Variants in CORIN observed in about 807,000 individuals in gnomAD.
CORIN encodes the protein corin, serine peptidase, also known as atrial natriuretic peptide-converting enzyme.
In CORIN, 117 loss-of-function variants were observed where a neutral mutation model predicts 125.3. The ratio of observed to expected loss-of-function variants is 0.93; its 90% CI spans 0.80 to 1.09. The LOEUF (loss-of-function observed/expected upper bound fraction) is 1.09. Ranked by LOEUF, CORIN falls within the 50% of genes least tolerant of loss-of-function variation. The pLI is 0.00. For missense variants in CORIN, 1,253 were observed against 1,306.7 expected (o/e 0.96, Z 0.63); for synonymous variants, 450 against 466.4 (o/e 0.96, Z 0.45).
chr4:47,757,528 G>C (rs1729205961), intron 4 of CORIN, among the ~76,000 whole-genome samples: 1 of 151,376 alleles, frequency 6.6e-6, no homozygotes, highest in Admixed American at 6.6e-5. Context: ...CTAAGAGGCA[G>C]AGGTTGCAGT....
intron 4 of CORIN, among the ~76,000 whole-genome samples, chr4:47,755,177 C>T (rs891006921): frequency 1.3e-5 from 2 of 152,146 alleles, no homozygotes; most frequent in African/African-American, 4.8e-5. Context: ...CCTGAGACAA[C>T]AATTCTATAT....
At chr4:47,746,244 T>A (rs187601297) in intron 4 of CORIN, among the ~76,000 whole-genome samples, 1 of 152,300 alleles carries the variant, frequency 6.6e-6, no homozygotes, top group African/African-American at 2.4e-5. Context: ...GTGGAGAACA[T>A]AAAATTACTA....
chr4:47,702,465 C>T (rs964804291), intron 5 of CORIN, among the ~76,000 whole-genome samples: 1 of 152,094 alleles, frequency 6.6e-6, no homozygotes, highest in Non-Finnish European at 1.5e-5. Context: ...TATGGAAAGA[C>T]TTAGGACAAA....
At chr4:47,755,422 G>A (rs549239168) in intron 4 of CORIN, among the ~76,000 whole-genome samples, 48 of 152,080 alleles carry the variant, frequency 3.2e-4, no homozygotes, top group Non-Finnish European at 1.0e-4. Flanking sequence ...ATTCTCAATC[G>A]CTATTCTCAT....
intron 16 of CORIN, among the ~76,000 whole-genome samples, chr4:47,637,830 G>T (rs1295318233): frequency 6.6e-6 from 1 of 152,220 alleles, no homozygotes; most frequent in Non-Finnish European, 1.5e-5. Flanking sequence ...CCCTACTAGG[G>T]CATTGCCTAG....
chr4:47,795,264 G>T (rs1005475679), intron 2 of CORIN, among the ~76,000 whole-genome samples: 2 of 151,910 alleles, frequency 1.3e-5, no homozygotes, highest in African/African-American at 4.8e-5. Context: ...AATCGCTTTG[G>T]GTATTTGGGA....
intron 4 of CORIN, among the ~76,000 whole-genome samples, chr4:47,758,318 GA>G (rs1265941617): frequency 3.9e-5 from 6 of 151,992 alleles, no homozygotes; most frequent in Admixed American, 3.9e-4. Context: ...TATAAACATT[GA>G]AAAAAATTGA....
At chr4:47,645,628 G>A (rs955178057) in intron 13 of CORIN, among the ~76,000 whole-genome samples, 2 of 151,876 alleles carry the variant, frequency 1.3e-5, no homozygotes, top group Admixed American at 6.6e-5. Flanking sequence ...AGTGACTCAC[G>A]CCTGTAATCC....
At chr4:47,734,238 T>A (rs141196004) in intron 5 of CORIN, among the ~76,000 whole-genome samples, 7 of 152,110 alleles carry the variant, frequency 4.6e-5, no homozygotes, top group Non-Finnish European at 1.0e-4. Flanking sequence ...GAAAGGAGAA[T>A]GGGGTACATA....
At chr4:47,600,447 T>C (rs769120538) in intron 20 of CORIN, 100 bp from the exon 21 acceptor site, 1 of 725,408 alleles carries the variant, frequency 1.4e-6, no homozygotes, top group Non-Finnish European at 2.0e-6. Flanking sequence ...ATAATATAAA[T>C]ATTTTTATAC....
chr4:47,655,849 GAAA>G (rs34392343), intron 12 of CORIN, among the ~76,000 whole-genome samples: 1 of 106,846 alleles, frequency 9.4e-6, no homozygotes, highest in Non-Finnish European at 2.0e-5. Flanking sequence ...TCTTTCAGCA[GAAA>G]AAAAAAAAAA....
chr4:47,732,680 C>T (rs1413040282), intron 5 of CORIN, among the ~76,000 whole-genome samples: 1 of 151,990 alleles, frequency 6.6e-6, no homozygotes, highest in Non-Finnish European at 1.5e-5. Context: ...TCTCCTGCCT[C>T]AGCCTCTTGA....
At chr4:47,616,321 T>A (rs1722066304) in intron 19 of CORIN, among the ~76,000 whole-genome samples, 1 of 152,154 alleles carries the variant, frequency 6.6e-6, no homozygotes, top group Admixed American at 6.5e-5. Context: ...TTCATATTTT[T>A]CAAATATGAA....
intron 2 of CORIN, among the ~76,000 whole-genome samples, chr4:47,805,059 C>T (rs1481705165): frequency 2.0e-5 from 3 of 149,136 alleles, no homozygotes; most frequent in African/African-American, 7.4e-5. Flanking sequence ...TGGCGTGAAC[C>T]CAGGAGGCAG....
chr4:47,607,187 T>C (rs2109518365), intron 19 of CORIN, among the ~76,000 whole-genome samples: 1 of 152,242 alleles, frequency 6.6e-6, no homozygotes, highest in African/African-American at 2.4e-5. Flanking sequence ...GACAGGCAGA[T>C]CACGAGGTCA....
At chr4:47,612,839 C>G (rs1721922556) in intron 19 of CORIN, among the ~76,000 whole-genome samples, 1 of 152,196 alleles carries the variant, frequency 6.6e-6, no homozygotes, top group African/African-American at 2.4e-5. Flanking sequence ...GATGTGTGCT[C>G]TTTCCTGAAT....
At chr4:47,757,772 T>A (rs550078126) in intron 4 of CORIN, among the ~76,000 whole-genome samples, 1 of 150,342 alleles carries the variant, frequency 6.7e-6, no homozygotes, top group South Asian at 2.1e-4. Context: ...CCCTGAAAAC[T>A]GTAAGCAGCT....
intron 5 of CORIN, among the ~76,000 whole-genome samples, 195 bp from the exon 6 acceptor site, chr4:47,693,278 A>C (rs1725852557): frequency 6.6e-6 from 1 of 152,182 alleles, no homozygotes; most frequent in Non-Finnish European, 1.5e-5. Flanking sequence ...AAATAATACA[A>C]AGAGTGATTG....
chr4:47,642,729 C>G (rs575071688), intron 15 of CORIN: 1 of 799,746 alleles, frequency 1.3e-6, no homozygotes. Context: ...GTGTAAGGAG[C>G]TAGACAGTTA....
Sources: allele counts gnomAD v4.1 joint callset (sites outside exome capture counted in the v4.1 genomes callset), GRCh38; gene constraint gnomAD v4.1.1; transcripts MANE v1.5; gene names NCBI Gene and HGNC (gene_info 2026-07-23, HGNC 2026-07-21).